Variants in PLBD2 observed in about 807,000 individuals in gnomAD.
The protein encoded by PLBD2 is putative aminopeptidase PLBD2.
Under a neutral mutation model 68.3 loss-of-function variants are expected in PLBD2, and 51 were observed. That is an observed-to-expected ratio of 0.75 (90% CI 0.60 to 0.94). PLBD2 has a LOEUF of 0.94. Among genes scored for constraint, PLBD2 ranks in the 40% least tolerant of loss-of-function variants. The pLI is 0.00. For synonymous variants in PLBD2, 314 were observed against 339.3 expected (o/e 0.93, Z 0.82); for missense variants, 729 against 792.2 (o/e 0.92, Z 0.96).
At position 113,384,288 on chromosome 12, in the gene PLBD2, G is replaced by A. The variant is rs1225010592; in HGVS notation, c.1118+23G>A. The A allele has an allele frequency of 3.1e-6, 5 of 1,595,172 alleles. No homozygotes were observed. Among genetic ancestry groups the A allele is most frequent in the Non-Finnish European group, 4.3e-6 (5 of 1,169,486 alleles). On this transcript the variant is annotated intron_variant, in intron 7 of 11. Transcript: ENST00000280800. The surrounding 1 kb of genome is among the most constrained non-coding windows in gnomAD (Gnocchi z 4.2). ...CACGTGAGTGGGCTTCTGGCCCTGT[G>A]GCTTCCCCTGCACCAAGAGATAGAC...
chr12:113,363,730 G>T (rs1175599728), intron 1 of PLBD2, among the ~76,000 whole-genome samples: 2 of 151,874 alleles, frequency 1.3e-5, no homozygotes, highest in Non-Finnish European at 2.9e-5. Flanking sequence ...GTAGAGACGG[G>T]GTTTCACCAT....
chr12:113,388,314 C>T (rs904091640), intron 11 of PLBD2, 145 bp from the exon 12 acceptor site: 2 of 797,268 alleles, frequency 2.5e-6, no homozygotes, highest in Admixed American at 6.7e-5. Flanking sequence ...TGCACTCCAA[C>T]CTGGGTGACA....
rs952703935 is a variant in PLBD2 at position 113,389,878 on chromosome 12, G to T, written c.*1252G>T. 5 of 152,052 alleles carry T rather than the reference G, an allele frequency of 3.3e-5. No homozygotes were observed. Among genetic ancestry groups the T allele is most frequent in the African/African-American group, 1.2e-4 (5 of 41,382 alleles). 9.4% of individuals were successfully genotyped at this position (152,052 alleles called of 1,614,324 possible). A position where few individuals can be genotyped will look rare whatever the true frequency, so the allele number is the denominator to read the frequency against. On this transcript the variant is annotated 3_prime_UTR_variant, in exon 12 of 12. Coordinates refer to ENST00000280800, the MANE Select transcript of PLBD2 (RefSeq NM_173542.4). ...TGAGCCACCATGCCTGGCTAATTTT[G>T]TATTTTTAGTAGAGACAGGGTTTCA...
At chr12:113,373,573 C>T (rs1957408714) in intron 3 of PLBD2, among the ~76,000 whole-genome samples, 2 of 151,996 alleles carry the variant, frequency 1.3e-5, no homozygotes, top group Non-Finnish European at 2.9e-5. Flanking sequence ...TCCACCCATC[C>T]ATCCATCCAT....
At chr12:113,383,996 C>G in intron 6 of PLBD2, 109 bp from the exon 7 acceptor site, 1 of 490,518 alleles carries the variant, frequency 2.0e-6, no homozygotes, top group South Asian at 6.0e-5. Context: ...GACTCTATCT[C>G]AAAAAAAAAA....
Position 113,388,720 on chromosome 12 carries a change from C to A in PLBD2, c.*94C>A. On this transcript the variant is annotated 3_prime_UTR_variant, in exon 12 of 12. Transcript: ENST00000280800. Reference sequence around the variant, plus strand: ...ACCGGACTTCTAACTCCAGCCCCTCCTGGGGGCTTCGTTCTCTGATCTGGG... The same window carrying A: ...ACCGGACTTCTAACTCCAGCCCCTCATGGGGGCTTCGTTCTCTGATCTGGG... The A allele has an allele frequency of 7.4e-7, 1 of 1,346,094 alleles. No homozygotes were observed. The highest frequency in any genetic ancestry group is 9.9e-7 in the Non-Finnish European group (1 of 1,005,500). The allele number at this position is 1,346,094 out of a possible 1,614,324, so 83.4% of individuals were successfully genotyped here.
At chr12:113,362,925 C>T (rs1292490942) in intron 1 of PLBD2, among the ~76,000 whole-genome samples, 1 of 151,382 alleles carries the variant, frequency 6.6e-6, no homozygotes, top group Non-Finnish European at 1.5e-5. Context: ...GCTGGGATTA[C>T]AGGTGTGAGC....
At chr12:113,376,433 G>A (rs545100789) in intron 5 of PLBD2, among the ~76,000 whole-genome samples, 103 of 152,108 alleles carry the variant, frequency 6.8e-4, no homozygotes, top group African/African-American at 2.3e-3. Context: ...CAAAGTACTG[G>A]GATTAAAGGT....
chr12:113,388,398 G>T lies in PLBD2; in HGVS notation c.1603-61G>T, dbSNP rs1423549480. On this transcript the variant is annotated intron_variant, in intron 11 of 11. Coordinates refer to ENST00000280800, the MANE Select transcript of PLBD2 (RefSeq NM_173542.4). ...GGGGTCAAGGTCAGGGTGGGAGGCT[G>T]GGTGCCTGGATTGGGGCAGGCCAGG... 4.8e-6 allele frequency: 7 copies of T among 1,445,542 alleles called. No individual in the cohort carries two copies. In the East Asian group the frequency reaches 1.8e-4, roughly 38 times the overall value. 89.5% of individuals were successfully genotyped at this position (1,445,542 alleles called of 1,614,324 possible).
chr12:113,375,792 A>G (rs1419574822), intron 5 of PLBD2, among the ~76,000 whole-genome samples: 1 of 152,220 alleles, frequency 6.6e-6, no homozygotes, highest in East Asian at 1.9e-4. Context: ...AGGCCTGTTC[A>G]TGTAGCACTG....
intron 9 of PLBD2, among the ~76,000 whole-genome samples, chr12:113,386,371 T>TTTTA (rs1957552654): frequency 7.5e-6 from 1 of 132,872 alleles, no homozygotes; most frequent in African/African-American, 3.1e-5. Flanking sequence ...TTTTTTTTTT[T>TTTTA]GAGACGGAGT....
intron 1 of PLBD2, among the ~76,000 whole-genome samples, chr12:113,360,956 G>A (rs1418321438): frequency 6.6e-6 from 1 of 152,050 alleles, no homozygotes; most frequent in Non-Finnish European, 1.5e-5. Context: ...CTCCTCTTAC[G>A]CTCACATGCC....
At chr12:113,375,063 G>A (rs1319706150) in intron 5 of PLBD2, 56 bp downstream of exon 5, 4 of 1,540,114 alleles carry the variant, frequency 2.6e-6, no homozygotes, top group Non-Finnish European at 3.6e-6. Context: ...ACACACGTGG[G>A]GAGTGGTCCT....
chr12:113,379,904 C>T (rs1957470716), intron 5 of PLBD2, among the ~76,000 whole-genome samples: 1 of 152,286 alleles, frequency 6.6e-6, no homozygotes, highest in South Asian at 2.1e-4. Flanking sequence ...TACCCACGCA[C>T]ACACAGAGTT....
intron 1 of PLBD2, among the ~76,000 whole-genome samples, chr12:113,368,815 A>G (rs946303736): frequency 8.5e-5 from 13 of 152,168 alleles, no homozygotes; most frequent in African/African-American, 3.1e-4. Context: ...CAGAGCTAAC[A>G]TGTCATCCTC....
Position 113,378,033 on chromosome 12 carries a change from A to ATGCC in PLBD2, c.860-2709_860-2706dup, listed in dbSNP as rs1306637462. ...GTACCTTGCCTGGGCACAATGGCTT[A>ATGCC]TGCCTGTAAACCCAGCACTTTGGGA... On this transcript the variant is annotated intron_variant, in intron 5 of 11. Transcript: ENST00000280800. Among the ~76,000 whole-genome samples the ATGCC allele has an allele frequency of 5.3e-5, 8 of 152,314 alleles. No individual in the cohort carries two copies. The South Asian group carries it at 1.7e-3, about 32-fold the overall frequency.
chr12:113,384,978 C>T lies in PLBD2; in HGVS notation c.1214+32C>T, dbSNP rs1479677550. 21 of 1,268,324 alleles carry T rather than the reference C, an allele frequency of 1.7e-5. No homozygotes were observed. Among genetic ancestry groups the T allele is most frequent in the East Asian group, 9.6e-5 (4 of 41,588 alleles). 78.6% of individuals were successfully genotyped at this position (1,268,324 alleles called of 1,614,324 possible). A position where few individuals can be genotyped will look rare whatever the true frequency, so the allele number is the denominator to read the frequency against. On this transcript the variant is annotated intron_variant, in intron 8 of 11. Transcript: ENST00000280800. The surrounding 1 kb of genome is among the most constrained non-coding windows in gnomAD (Gnocchi z 4.2). Reference sequence around the variant, plus strand: ...ACCCTGGGAGGGAGGGGTGGGGGCTCGGGGCAGAGGGGACTGCCAGGGTGA... The same window carrying T: ...ACCCTGGGAGGGAGGGGTGGGGGCTTGGGGCAGAGGGGACTGCCAGGGTGA...
At chr12:113,385,316 C>G in intron 9 of PLBD2, 33 bp downstream of exon 9, 1 of 1,594,712 alleles carries the variant, frequency 6.3e-7, no homozygotes, top group South Asian at 1.1e-5. Flanking sequence ...CCCCGTCACC[C>G]TCCAGGGCAT....
At chr12:113,386,138 A>C (rs1476816225) in intron 9 of PLBD2, among the ~76,000 whole-genome samples, 1 of 152,216 alleles carries the variant, frequency 6.6e-6, no homozygotes, top group Non-Finnish European at 1.5e-5. Flanking sequence ...CAAATGGAAG[A>C]CATTATTGTT....
Sources: gnomAD v4.1 joint callset for allele counts (sites outside exome capture counted in the v4.1 genomes callset) on GRCh38, gnomAD v4.1.1 for gene constraint, Gnocchi (gnomAD v3.1) non-coding constraint, MANE v1.5 for transcripts, NCBI Gene and HGNC (gene_info 2026-07-23, HGNC 2026-07-21) for gene names.